CCDC33: variants seen among roughly 807,000 people sequenced by gnomAD.
CCDC33 encodes the protein coiled-coil domain containing 33, also known as coiled-coil domain-containing protein 33.
CCDC33 carries 94 observed loss-of-function variants against 91.9 expected under a neutral mutation model. That is an observed-to-expected ratio of 1.02 (90% CI 0.87 to 1.21). The LOEUF is 1.21. Ranked by LOEUF, CCDC33 falls within the 50% of genes most tolerant of loss-of-function variation. CCDC33 has a pLI of 0.00. For synonymous variants in CCDC33, 396 were observed against 374.5 expected, an observed-to-expected ratio of 1.06 and a Z score of -0.66; for missense variants, 940 against 935.5, an observed-to-expected ratio of 1.00 and a Z score of -0.06.
At chr15:74,224,884 C>T (rs1232465589) in intron 2 of CCDC33, among the ~76,000 whole-genome samples, 2 of 152,130 alleles carry the variant, frequency 1.3e-5, no homozygotes, top group African/African-American at 2.4e-5. Context: ...TCCTTCTTGC[C>T]CAGCCAGTCT....
intron 7 of CCDC33, among the ~76,000 whole-genome samples, chr15:74,276,801 C>G (rs1345542250): frequency 1.3e-5 from 2 of 152,262 alleles, no homozygotes; most frequent in East Asian, 3.8e-4. Context: ...GCTGCACTCG[C>G]AGTCTGGAAT....
chr15:74,277,388 C>G (rs773420659), intron 7 of CCDC33, among the ~76,000 whole-genome samples: 4 of 152,292 alleles, frequency 2.6e-5, no homozygotes, highest in Admixed American at 6.5e-5. Context: ...GTGGGTGGGC[C>G]CAGGGGAAAT....
chr15:74,246,288 G>A (rs1407765384), intron 2 of CCDC33, among the ~76,000 whole-genome samples: 2 of 152,126 alleles, frequency 1.3e-5, no homozygotes, highest in African/African-American at 2.4e-5. Flanking sequence ...ATATGACACC[G>A]GAAGTACAGG....
intron 10 of CCDC33, among the ~76,000 whole-genome samples, chr15:74,285,130 A>G (rs1055236069): frequency 1.3e-5 from 2 of 152,230 alleles, no homozygotes; most frequent in Non-Finnish European, 2.9e-5. Flanking sequence ...CACAGAGCGG[A>G]AATGCTTCAG....
At chr15:74,203,106 G>T (rs369713804) in intron 1 of CCDC33, 13 of 985,462 alleles carry the variant, frequency 1.3e-5, no homozygotes, top group African/African-American at 1.0e-4. Flanking sequence ...CGAGTGAGAC[G>T]GACCGCTGGG....
intron 11 of CCDC33, among the ~76,000 whole-genome samples, chr15:74,298,853 C>G (rs990850399): frequency 6.6e-6 from 1 of 151,840 alleles, no homozygotes. Flanking sequence ...GCTGGGATTA[C>G]AGGCGGGCGC....
At chr15:74,274,953 G>T (rs1049764736) in intron 7 of CCDC33, among the ~76,000 whole-genome samples, 3 of 152,270 alleles carry the variant, frequency 2.0e-5, no homozygotes, top group African/African-American at 7.2e-5. Context: ...AGCAGTGAGA[G>T]AACAGGAGCA....
chr15:74,271,656 C>G (rs1354487791), intron 5 of CCDC33, 47 bp from the exon 6 acceptor site: 2 of 1,493,170 alleles, frequency 1.3e-6, no homozygotes, highest in South Asian at 1.1e-5. Context: ...TCTGGAAGGT[C>G]CCAAGGCCAC....
chr15:74,270,683 CAG>C (rs1341116697), intron 5 of CCDC33, among the ~76,000 whole-genome samples: 1 of 152,004 alleles, frequency 6.6e-6, no homozygotes, highest in African/African-American at 2.4e-5. Flanking sequence ...GGGTGAGGGT[CAG>C]GGTCCGGGAG....
At chr15:74,320,954 T>G (rs889322439) in intron 11 of CCDC33, among the ~76,000 whole-genome samples, 1 of 152,176 alleles carries the variant, frequency 6.6e-6, no homozygotes, top group Non-Finnish European at 1.5e-5. Flanking sequence ...GGGTGGGCAG[T>G]GGCAAAGAAC....
intron 1 of CCDC33, among the ~76,000 whole-genome samples, chr15:74,205,934 G>C (rs564692521): frequency 1.5e-4 from 23 of 152,364 alleles, no homozygotes; most frequent in Admixed American, 3.3e-4. Flanking sequence ...TAGCTGGAAG[G>C]TCCAGAGGTA....
chr15:74,203,486 C>A (rs534630663), intron 1 of CCDC33, among the ~76,000 whole-genome samples: 2 of 152,212 alleles, frequency 1.3e-5, no homozygotes, highest in Non-Finnish European at 2.9e-5. Context: ...GGCCACTGTC[C>A]CTGGTGGAGG....
chr15:74,224,604 G>C (rs2074727758), intron 2 of CCDC33, among the ~76,000 whole-genome samples: 1 of 152,182 alleles, frequency 6.6e-6, no homozygotes, highest in African/African-American at 2.4e-5. Flanking sequence ...CCTGGATGCT[G>C]ATTGGGCTCT....
upstream of CCDC33, among the ~76,000 whole-genome samples, chr15:74,214,641 G>C (rs1258749963): frequency 6.6e-6 from 1 of 152,170 alleles, no homozygotes; most frequent in Non-Finnish European, 1.5e-5. Context: ...ATAGAACTGA[G>C]GCCAGACTCA....
chr15:74,256,477 C>T (rs1220366410), intron 2 of CCDC33, among the ~76,000 whole-genome samples: 1 of 152,152 alleles, frequency 6.6e-6, no homozygotes, highest in African/African-American at 2.4e-5. Flanking sequence ...GAGGATTCCA[C>T]GTCCTGGCAA....
intron 2 of CCDC33, among the ~76,000 whole-genome samples, chr15:74,251,315 A>G (rs2075701670): frequency 6.6e-6 from 1 of 152,240 alleles, no homozygotes; most frequent in African/African-American, 2.4e-5. Context: ...GGGCTTGAAC[A>G]GTACCCAGCA....
intron 3 of CCDC33, among the ~76,000 whole-genome samples, chr15:74,265,908 C>T (rs1191177758): frequency 6.6e-6 from 1 of 152,160 alleles, no homozygotes; most frequent in Non-Finnish European, 1.5e-5. Flanking sequence ...CCTGTAATCC[C>T]AGCTACTTGG....
chr15:74,331,190 C>A lies in CCDC33; in HGVS notation c.1678-13C>A. 6.2e-7 allele frequency: 1 copy of A among 1,614,156 alleles called. No individual in the cohort carries two copies. Among genetic ancestry groups the A allele is most frequent in the Non-Finnish European group, 8.5e-7 (1 of 1,180,006 alleles). ...AGCCCCTGGGCCAGCCCAGCCTCTG[C>A]TCTGCTCTCCAGGTGATCGAGAAGA... On this transcript the variant is annotated splice_polypyrimidine_tract_variant and intron_variant, in intron 14 of 18. Transcript: ENST00000398814.
At chr15:74,220,180 A>G (rs1358708058) in intron 2 of CCDC33, among the ~76,000 whole-genome samples, 1 of 152,150 alleles carries the variant, frequency 6.6e-6, no homozygotes, top group East Asian at 1.9e-4. Flanking sequence ...ATAGGGCAGC[A>G]TGTACCAGGA....
Sources: gnomAD v4.1 joint callset for allele counts (sites outside exome capture counted in the v4.1 genomes callset) on GRCh38, gnomAD v4.1.1 for gene constraint, MANE v1.5 for transcripts, NCBI Gene and HGNC (gene_info 2026-07-23, HGNC 2026-07-21) for gene names.